Variants in FSTL4 observed in about 807,000 individuals in gnomAD.
FSTL4 encodes the protein follistatin like 4.
A neutral mutation model predicts 78.2 loss-of-function variants in FSTL4; 28 were observed. The ratio of observed to expected loss-of-function variants is 0.36; its 90% confidence interval spans 0.27 to 0.49. The LOEUF (loss-of-function observed/expected upper bound fraction) is 0.49, where lower values mean the gene tolerates loss of function less well. Ranked by LOEUF, FSTL4 falls within the 20% of genes least tolerant of loss-of-function variation. The probability of loss-of-function intolerance (pLI) is 0.98; values close to 1 mark genes in which losing one functional copy is unlikely to be tolerated. For synonymous variants in FSTL4, 422 were observed against 440.5 expected (o/e 0.96, Z 0.53); for missense variants, 922 against 1,084.9 (o/e 0.85, Z 2.11).
chr5:133,744,718 A>G, the FSTL4 span, among the ~76,000 whole-genome samples: 1 of 152,154 alleles, frequency 6.6e-6, no homozygotes, highest in African/African-American at 2.4e-5. Flanking sequence ...GTTGAATGCA[A>G]GCAGGCATGC....
At chr5:133,529,234 C>T (rs189087195) in intron 3 of FSTL4, among the ~76,000 whole-genome samples, 3 of 152,100 alleles carry the variant, frequency 2.0e-5, no homozygotes, top group Non-Finnish European at 4.4e-5. Context: ...CTGTGAATAC[C>T]CAAAGGCTCA....
chr5:133,805,558 A>G, the FSTL4 span, among the ~76,000 whole-genome samples: 1 of 152,226 alleles, frequency 6.6e-6, no homozygotes, highest in African/African-American at 2.4e-5. Flanking sequence ...TCTTTTCAGT[A>G]AAAAGAAAAT....
intron 6 of FSTL4, among the ~76,000 whole-genome samples, chr5:133,257,349 C>T (rs186720583): frequency 1.4e-4 from 21 of 152,266 alleles, no homozygotes; most frequent in Non-Finnish European, 2.2e-4. Context: ...TGGTAGAGCC[C>T]TCCCTGTGTG....
At chr5:133,460,937 T>C (rs1290447646) in intron 3 of FSTL4, among the ~76,000 whole-genome samples, 1 of 152,348 alleles carries the variant, frequency 6.6e-6, no homozygotes, top group East Asian at 1.9e-4. Context: ...AGTGCTACAA[T>C]TTTTCTTATA....
chr5:133,233,267 C>T lies in FSTL4; in HGVS notation c.1015+150G>A, dbSNP rs1035049727. On this transcript the variant is annotated intron_variant, in intron 8 of 15. Coordinates refer to ENST00000265342, the MANE Select transcript of FSTL4 (RefSeq NM_015082.2). ...TGGTCAACAGACTTTGCCCTTTCCA[C>T]ACGGTTCCCCTTTACTTATAAGAGA... 3 of 902,040 alleles carry T rather than the reference C, an allele frequency of 3.3e-6. No individual in the cohort carries two copies. The South Asian group carries it at 5.0e-5, about 15-fold the overall frequency. The allele number at this position is 902,040 out of a possible 1,614,324, so 55.9% of individuals were successfully genotyped here. A position where few individuals can be genotyped will look rare whatever the true frequency, so the allele number is the denominator to read the frequency against.
the FSTL4 span, among the ~76,000 whole-genome samples, chr5:133,672,679 A>G: frequency 2.0e-5 from 3 of 152,306 alleles, no homozygotes; most frequent in East Asian, 3.9e-4. Context: ...CAAAGCATCT[A>G]TGGAGGTGTC....
At chr5:133,439,915 T>G (rs1221803656) in intron 3 of FSTL4, among the ~76,000 whole-genome samples, 1 of 152,170 alleles carries the variant, frequency 6.6e-6, no homozygotes, top group African/African-American at 2.4e-5. Context: ...TCCTCAGTAG[T>G]AGGCATTGTT....
At chr5:133,448,749 G>GGC (rs1554115260) in intron 3 of FSTL4, among the ~76,000 whole-genome samples, 35 of 140,378 alleles carry the variant, frequency 2.5e-4, no homozygotes, top group African/African-American at 8.9e-4. Context: ...CGGGGGGGGG[G>GGC]GGCGCTCAGA....
intron 4 of FSTL4, among the ~76,000 whole-genome samples, chr5:133,394,513 G>A (rs1414964758): frequency 2.6e-5 from 4 of 152,250 alleles, no homozygotes; most frequent in African/African-American, 9.6e-5. Context: ...CAGCTGCGGA[G>A]GGTGCGCCAG....
At chr5:133,541,528 G>A (rs1759472664) in intron 3 of FSTL4, among the ~76,000 whole-genome samples, 1 of 152,148 alleles carries the variant, frequency 6.6e-6, no homozygotes, top group Non-Finnish European at 1.5e-5. Context: ...CATAGACCCT[G>A]CCTCTCAACA....
At chr5:133,379,169 A>G (rs1755510221) in intron 4 of FSTL4, among the ~76,000 whole-genome samples, 1 of 152,184 alleles carries the variant, frequency 6.6e-6, no homozygotes, top group Non-Finnish European at 1.5e-5. Context: ...CAGGTGTTAT[A>G]TAAACAGATA....
At chr5:133,425,910 T>C (rs1756803347) in intron 3 of FSTL4, among the ~76,000 whole-genome samples, 1 of 152,102 alleles carries the variant, frequency 6.6e-6, no homozygotes, top group African/African-American at 2.4e-5. Flanking sequence ...AACAGGGACA[T>C]AGGATAAAGA....
chr5:133,672,660 T>C, the FSTL4 span, among the ~76,000 whole-genome samples: 3 of 152,168 alleles, frequency 2.0e-5, no homozygotes, highest in East Asian at 5.8e-4. Context: ...ACATTTTCTG[T>C]CCAGGGTTCA....
At chr5:133,777,371 T>C in the FSTL4 span, among the ~76,000 whole-genome samples, 1 of 152,232 alleles carries the variant, frequency 6.6e-6, no homozygotes, top group Non-Finnish European at 1.5e-5. Context: ...AAAATGCTAA[T>C]AGTGGGACGT....
intron 6 of FSTL4, among the ~76,000 whole-genome samples, chr5:133,307,364 C>T (rs1025193820): frequency 1.3e-5 from 2 of 152,184 alleles, no homozygotes; most frequent in African/African-American, 2.4e-5. Context: ...ACGGAGAATG[C>T]AGATGTGTTG....
intron 3 of FSTL4, among the ~76,000 whole-genome samples, chr5:133,441,358 A>G (rs1489118347): frequency 6.6e-6 from 1 of 152,204 alleles, no homozygotes; most frequent in Admixed American, 6.5e-5. Flanking sequence ...ATGCCCCTGC[A>G]TCCTGGTAGC....
At chr5:133,696,576 AT>A in the FSTL4 span, among the ~76,000 whole-genome samples, 1 of 152,244 alleles carries the variant, frequency 6.6e-6, no homozygotes, top group Non-Finnish European at 1.5e-5. Flanking sequence ...ACCTCTGATC[AT>A]TTCTGCATTG....
At chr5:133,828,629 A>G in the FSTL4 span, among the ~76,000 whole-genome samples, 14 of 152,200 alleles carry the variant, frequency 9.2e-5, no homozygotes, top group East Asian at 1.9e-4. Flanking sequence ...ATCAGGCACT[A>G]TGGGCACCGT....
At chr5:133,257,565 G>A (rs927400705) in intron 6 of FSTL4, among the ~76,000 whole-genome samples, 2 of 152,208 alleles carry the variant, frequency 1.3e-5, no homozygotes, top group African/African-American at 4.8e-5. Flanking sequence ...CAGACGAACA[G>A]GAAGTTAGAG....
Sources: allele counts gnomAD v4.1 joint callset (sites outside exome capture counted in the v4.1 genomes callset), GRCh38; gene constraint gnomAD v4.1.1; transcripts MANE v1.5; gene names NCBI Gene and HGNC (gene_info 2026-07-23, HGNC 2026-07-21).